The following CGRRF1 variants were observed in gnomAD, a reference collection of about 807,000 sequenced individuals.
CGRRF1 encodes cell growth regulator with ring finger domain 1.
A neutral mutation model predicts 37.2 loss-of-function variants in CGRRF1; 32 were observed. The ratio of observed to expected loss-of-function variants is 0.86; its 90% CI spans 0.65 to 1.16. The LOEUF is 1.16. CGRRF1 is among the 50% of genes most tolerant of loss of function. CGRRF1 has a pLI of 0.00. For synonymous variants in CGRRF1, 141 were observed against 140.3 expected, an observed-to-expected ratio of 1.00 and a Z score of -0.04; for missense variants, 391 against 382.6, an observed-to-expected ratio of 1.02 and a Z score of -0.18.
At chr14:54,518,319 G>A (rs2032251183) in intron 1 of CGRRF1, among the ~76,000 whole-genome samples, 1 of 152,078 alleles carries the variant, frequency 6.6e-6, no homozygotes, top group African/African-American at 2.4e-5. Context: ...GCCGAGGTGG[G>A]CAGATCACCT....
chr14:54,513,070 ATC>A (rs1458915656), intron 1 of CGRRF1, among the ~76,000 whole-genome samples: 2 of 152,136 alleles, frequency 1.3e-5, no homozygotes, highest in East Asian at 3.8e-4. Flanking sequence ...ATCAAGTCCA[ATC>A]TCTCTGTTAA....
At chr14:54,532,953 ATCTCTGCTGAGTT>A (rs1378995540) in intron 4 of CGRRF1, among the ~76,000 whole-genome samples, 1 of 152,018 alleles carries the variant, frequency 6.6e-6, no homozygotes, top group East Asian at 1.9e-4. Context: ...TGTGTGCCCC[ATCTCTGCTGAGTT>A]TCTTGGGTTC....
chr14:54,529,963 A>G lies in CGRRF1; in HGVS notation c.245-86A>G, dbSNP rs114465226. On this transcript the variant is annotated intron_variant, in intron 2 of 5. Coordinates refer to ENST00000216420, the MANE Select transcript of CGRRF1 (RefSeq NM_006568.3). ...CTGCCATCATCCTGGCCAGCATCCA[A>G]AAGGAAGCTTTTGTTACTCACCCTG... 2,223 of 1,130,780 alleles carry G rather than the reference A, an allele frequency of 2.0e-3. 23 individuals are homozygous for G. In the African/African-American group the frequency reaches 0.031, roughly 16 times the overall value. The allele number at this position is 1,130,780 out of a possible 1,614,324, so 70.0% of individuals were successfully genotyped here.
intron 2 of CGRRF1, among the ~76,000 whole-genome samples, chr14:54,523,410 A>G (rs2032355346): frequency 6.6e-6 from 1 of 152,246 alleles, no homozygotes; most frequent in Non-Finnish European, 1.5e-5. Flanking sequence ...CTGCAGGACC[A>G]TATAGGAACC....
At chr14:54,523,285 A>T (rs2032353783) in intron 2 of CGRRF1, 1 of 154,128 alleles carries the variant, frequency 6.5e-6, no homozygotes, top group African/African-American at 2.4e-5. Flanking sequence ...TTGTCATTTA[A>T]TCTGAAACTA....
intron 2 of CGRRF1, among the ~76,000 whole-genome samples, chr14:54,526,855 T>A (rs1175668029): frequency 1.2e-4 from 19 of 152,220 alleles, no homozygotes; most frequent in Non-Finnish European, 2.8e-4. Flanking sequence ...GGCTTTATTA[T>A]CCTCATGAAT....
intron 3 of CGRRF1, chr14:54,530,614 A>G: frequency 2.3e-6 from 2 of 856,076 alleles, no homozygotes; most frequent in Non-Finnish European, 3.5e-6. Flanking sequence ...ACCCATTAGC[A>G]CTGAAAATTA....
intron 1 of CGRRF1, among the ~76,000 whole-genome samples, chr14:54,519,580 C>T (rs571389098): frequency 2.6e-5 from 4 of 152,158 alleles, no homozygotes; most frequent in African/African-American, 7.2e-5. Context: ...GACAGTTCTG[C>T]GTATTTTTGT....
Position 54,524,392 on chromosome 14 carries a change from T to A in CGRRF1, c.244+1799T>A, listed in dbSNP as rs1272081539. ...TTGTAAGGAAAAATATATGTTTTTT[T>A]TTTTTTTTTTCGAGACAGGCTCTTG... On this transcript the variant is annotated intron_variant, in intron 2 of 5. Coordinates refer to ENST00000216420, the MANE Select transcript of CGRRF1 (RefSeq NM_006568.3). Among the ~76,000 whole-genome samples, 436 of 151,246 alleles carry A rather than the reference T, an allele frequency of 2.9e-3. 4 individuals carry two copies. The highest frequency in any genetic ancestry group is 9.5e-3 in the African/African-American group (390 of 41,198).
Position 54,522,473 on chromosome 14 carries a change from G to T in CGRRF1, c.124G>T (p.Val42Leu), listed in dbSNP as rs772666262. The T allele has an allele frequency of 1.3e-6, 2 of 1,575,340 alleles. No homozygotes were observed. The highest frequency in any genetic ancestry group is 1.7e-6 in the Non-Finnish European group (2 of 1,167,076). Residue 42 changes from valine to leucine, a missense_variant, in exon 2 of 6, where the codon GTA (valine) becomes TTA (leucine). By Grantham distance (32) the Val-to-Leu change is conservative (BLOSUM62 1). Coordinates refer to ENST00000216420, the MANE Select transcript of CGRRF1 (RefSeq NM_006568.3). The part of the protein sequence containing the change: ...VLGWFGWDVP[V>L]ILRNSEETQF... ...TTTTAGGTTTGGTTGGGATGTTCCA[G>T]TAATTCTGAGAAATTCAGAAGAGAC...
chr14:54,526,098 A>G (rs2032406733), intron 2 of CGRRF1, among the ~76,000 whole-genome samples: 1 of 152,072 alleles, frequency 6.6e-6, no homozygotes, highest in Non-Finnish European at 1.5e-5. Context: ...CCCTGTCTCA[A>G]AAAACAAAAA....
In CGRRF1 at chr14:54,531,232, T is replaced by C. The variant is rs1435736367; in HGVS notation, c.570+182T>C. Reference sequence around the variant, plus strand: ...TACCTTCAGATTATGACTCATTTCTTGCCTTATGGGTCACAGTAATATGAC... The same window carrying C: ...TACCTTCAGATTATGACTCATTTCTCGCCTTATGGGTCACAGTAATATGAC... On this transcript the variant is annotated intron_variant, in intron 4 of 5. Transcript: ENST00000216420. 1.3e-5 allele frequency: 7 copies of C among 549,258 alleles called. No individual in the cohort carries two copies. In the African/African-American group the frequency reaches 1.3e-4, roughly 11 times the overall value. 34.0% of individuals were successfully genotyped at this position (549,258 alleles called of 1,614,324 possible). A position where few individuals can be genotyped will look rare whatever the true frequency, so the allele number is the denominator to read the frequency against.
At chr14:54,535,359 T>TCACACACACA (rs143950400) in intron 4 of CGRRF1, among the ~76,000 whole-genome samples, 9,055 of 140,428 alleles carry the variant, frequency 0.064, 304 homozygotes, top group Middle Eastern at 0.087. Flanking sequence ...AAGGGTATAG[T>TCACACACACA]CACACACACA....
chr14:54,529,504 A>C (rs56899669), intron 2 of CGRRF1, among the ~76,000 whole-genome samples: 13,180 of 152,292 alleles, frequency 0.087, 640 homozygotes, highest in African/African-American at 0.11. Context: ...TGCATATTAC[A>C]TGGGACATTA....
chr14:54,538,343 G>T lies in CGRRF1; in HGVS notation c.959G>T (p.Ser320Ile). The T allele has an allele frequency of 6.2e-7, 1 of 1,612,540 alleles. No homozygotes were observed. The highest frequency in any genetic ancestry group is 1.1e-5 in the South Asian group (1 of 91,052). ...QFVQESFALC[S>I]QKEQDKDKPK... ...GTTCAGGAATCTTTTGCACTTTGCA[G>T]TCAAAAAGAGCAAGATAAAGACAAA... Residue 320 changes from serine to isoleucine, a missense_variant, in exon 6 of 6, where the codon AGT becomes ATT. Transcript: ENST00000216420.
chr14:54,513,618 A>T (rs7141119), intron 1 of CGRRF1, among the ~76,000 whole-genome samples: 3,466 of 59,524 alleles, frequency 0.058, 95 homozygotes, highest in East Asian at 0.22. Flanking sequence ...TATGTTATGT[A>T]ATGTTATGTT....
chr14:54,533,870 G>A (rs570956540), intron 4 of CGRRF1, among the ~76,000 whole-genome samples: 1 of 151,920 alleles, frequency 6.6e-6, no homozygotes, highest in South Asian at 2.1e-4. Context: ...AAGCCAAAAG[G>A]AGAGAAGTAT....
At chr14:54,513,506 G>C (rs1311764329) in intron 1 of CGRRF1, among the ~76,000 whole-genome samples, 1 of 152,112 alleles carries the variant, frequency 6.6e-6, no homozygotes, top group Non-Finnish European at 1.5e-5. Flanking sequence ...AAGTTTCCAT[G>C]GTTCTAAAGC....
chr14:54,510,065 T>G lies in CGRRF1; in HGVS notation c.104+2T>G. 6.2e-7 allele frequency: 1 copy of G among 1,603,734 alleles called. No individual in the cohort carries two copies. Among genetic ancestry groups the G allele is most frequent in the Non-Finnish European group, 8.5e-7 (1 of 1,170,944 alleles). On this transcript the variant is annotated splice_donor_variant, in intron 1 of 5. Coordinates refer to ENST00000216420, the MANE Select transcript of CGRRF1 (RefSeq NM_006568.3). LOFTEE classifies it high-confidence loss of function. ...GACCACCGGCCTGGTATTGGGATGGTAAGTGTCCCAGGGGTGAGAGACGAA... is the reference window on the plus strand; with the variant it reads ...GACCACCGGCCTGGTATTGGGATGGGAAGTGTCCCAGGGGTGAGAGACGAA...
Sources: allele counts gnomAD v4.1 joint callset (sites outside exome capture counted in the v4.1 genomes callset), GRCh38; gene constraint gnomAD v4.1.1; transcripts MANE v1.5; gene names NCBI Gene and HGNC (gene_info 2026-07-23, HGNC 2026-07-21).